SHISA9: variants seen among roughly 807,000 people sequenced by gnomAD.
SHISA9 encodes the protein shisa family member 9, also known as protein shisa-9.
Under a neutral mutation model 38.0 loss-of-function variants are expected in SHISA9, and 13 were observed. That is an observed-to-expected ratio of 0.34 (90% confidence interval 0.22 to 0.54). SHISA9 has a LOEUF of 0.54. Ranked by LOEUF, SHISA9 falls within the 20% of genes least tolerant of loss-of-function variation. The pLI, the probability that SHISA9 is intolerant of heterozygous loss-of-function variation, is 0.91. For synonymous variants in SHISA9, 275 were observed against 242.0 expected, an observed-to-expected ratio of 1.14 and a Z score of -1.27; for missense variants, 538 against 575.8, an observed-to-expected ratio of 0.93 and a Z score of 0.67.
chr16:13,294,937 T>A, the SHISA9 span, among the ~76,000 whole-genome samples: 2 of 152,206 alleles, frequency 1.3e-5, no homozygotes, highest in East Asian at 1.9e-4. Flanking sequence ...TGGGAGGCAC[T>A]GTTCTGAAAC....
intron 2 of SHISA9, among the ~76,000 whole-genome samples, chr16:13,136,396 C>CTTTTTTTTTTTTTTTTT (rs35122409): frequency 2.9e-5 from 2 of 68,092 alleles, no homozygotes; most frequent in Non-Finnish European, 5.3e-5. Flanking sequence ...CAGTTTCCTT[C>CTTTTTTTTTTTTTTTTT]TTTTTTTTTT....
chr16:13,393,720 T>G, the SHISA9 span, among the ~76,000 whole-genome samples: 1 of 152,172 alleles, frequency 6.6e-6, no homozygotes, highest in African/African-American at 2.4e-5. Context: ...GGGACTCTGA[T>G]GACCATGAGT....
chr16:12,926,165 C>G (rs1429953118), intron 2 of SHISA9, among the ~76,000 whole-genome samples: 1 of 152,190 alleles, frequency 6.6e-6, no homozygotes, highest in Non-Finnish European at 1.5e-5. Context: ...GTAATTCAAA[C>G]CACAGACATG....
chr16:13,302,701 T>C, the SHISA9 span, among the ~76,000 whole-genome samples: 10 of 152,286 alleles, frequency 6.6e-5, no homozygotes, highest in South Asian at 1.7e-3. Context: ...CTCCAGGTAG[T>C]CTTCATTCAT....
At chr16:13,045,072 G>C (rs116973552) in intron 2 of SHISA9, among the ~76,000 whole-genome samples, 1 of 152,150 alleles carries the variant, frequency 6.6e-6, no homozygotes, top group Non-Finnish European at 1.5e-5. Flanking sequence ...AGATGGGGAC[G>C]ATAACAGCAT....
the SHISA9 span, chr16:13,458,695 G>GT: frequency 4.1e-6 from 1 of 246,424 alleles, no homozygotes; most frequent in South Asian, 4.9e-5. Flanking sequence ...TCTTGAGGAT[G>GT]TAAAAAAAAA....
chr16:13,237,598 A>G lies in SHISA9; in HGVS notation c.*2189A>G, dbSNP rs560371394. On this transcript the variant is annotated 3_prime_UTR_variant, in exon 5 of 5. Transcript: ENST00000558583. ...GAATCGCTTAAACTTGGGAGGTTGCAGTGAGCTGAGACCACACCACTGCCC... is the reference window on the plus strand; with the variant it reads ...GAATCGCTTAAACTTGGGAGGTTGCGGTGAGCTGAGACCACACCACTGCCC... 4 of 147,482 alleles carry G rather than the reference A, an allele frequency of 2.7e-5. No individual in the cohort carries two copies. The highest frequency in any genetic ancestry group is 1.4e-4 in the Admixed American group (2 of 14,140). 9.1% of individuals were successfully genotyped at this position (147,482 alleles called of 1,614,324 possible).
At chr16:13,559,853 G>T in the SHISA9 span, among the ~76,000 whole-genome samples, 2 of 152,200 alleles carry the variant, frequency 1.3e-5, no homozygotes, top group African/African-American at 4.8e-5. Context: ...GATATTCCTA[G>T]AAGATGAAAA....
At chr16:13,279,907 G>A in the SHISA9 span, among the ~76,000 whole-genome samples, 117 of 151,850 alleles carry the variant, frequency 7.7e-4, no homozygotes, top group African/African-American at 2.7e-3. Context: ...GGATGTATAG[G>A]TTTTTCAATA....
rs1174986323 is a variant in SHISA9 at position 13,239,938 on chromosome 16, T to C, written c.*4529T>C. The C allele has an allele frequency of 6.6e-6, 1 of 152,228 alleles. No individual in the cohort carries two copies. Among genetic ancestry groups the C allele is most frequent in the Non-Finnish European group, 1.5e-5 (1 of 68,068 alleles). 9.4% of individuals were successfully genotyped at this position (152,228 alleles called of 1,614,324 possible). ...CCTATGGAACTATCTGTGACTTCCA[T>C]GTACCAAGACAAGGACGCTATAGCT... On this transcript the variant is annotated 3_prime_UTR_variant, in exon 5 of 5. Coordinates refer to ENST00000558583, the MANE Select transcript of SHISA9 (RefSeq NM_001145204.3).
At chr16:13,075,267 A>ATAAT (rs778999251) in intron 2 of SHISA9, among the ~76,000 whole-genome samples, 17 of 152,204 alleles carry the variant, frequency 1.1e-4, no homozygotes, top group Non-Finnish European at 2.4e-4. Context: ...AACATGCTGC[A>ATAAT]TAATTACATA....
At chr16:13,022,932 G>A (rs2141868184) in intron 2 of SHISA9, among the ~76,000 whole-genome samples, 1 of 152,220 alleles carries the variant, frequency 6.6e-6, no homozygotes, top group East Asian at 1.9e-4. Context: ...TGGATTTAGG[G>A]GCCACCCCAT....
the SHISA9 span, among the ~76,000 whole-genome samples, chr16:13,468,390 T>C: frequency 6.6e-6 from 1 of 152,310 alleles, no homozygotes; most frequent in Non-Finnish European, 1.5e-5. Flanking sequence ...AGGGTGCCTA[T>C]GCTTTTTCTT....
intron 2 of SHISA9, among the ~76,000 whole-genome samples, chr16:12,972,041 T>TG (rs2072090710): frequency 2.3e-4 from 32 of 141,948 alleles, no homozygotes; most frequent in African/African-American, 7.1e-4. Context: ...CTCTTGGAGT[T>TG]TGTGTGTGTG....
At chr16:13,019,671 T>G (rs565168563) in intron 2 of SHISA9, among the ~76,000 whole-genome samples, 285 of 152,034 alleles carry the variant, frequency 1.9e-3, no homozygotes, top group Non-Finnish European at 3.3e-3. Context: ...GGTAAACTTG[T>G]GTCACTGGGG....
chr16:13,064,051 T>C (rs1415949805), intron 2 of SHISA9, among the ~76,000 whole-genome samples: 1 of 152,220 alleles, frequency 6.6e-6, no homozygotes, highest in Non-Finnish European at 1.5e-5. Flanking sequence ...CCCACATTAT[T>C]GCGTCCACGT....
intron 1 of SHISA9, chr16:12,909,181 C>G (rs1448055482): frequency 2.0e-6 from 2 of 985,658 alleles, no homozygotes; most frequent in Non-Finnish European, 2.4e-6. Context: ...GTTGACTTCT[C>G]TTTGGGCACT....
rs1407593220 is a variant in SHISA9 at position 13,236,558 on chromosome 16, T to C, written c.*1149T>C. ...CTGAAAATGTCATAAGCGTGGGTGGTGCCTTCAATGTGTTACTGTTGTTTA... is the reference window on the plus strand; with the variant it reads ...CTGAAAATGTCATAAGCGTGGGTGGCGCCTTCAATGTGTTACTGTTGTTTA... On this transcript the variant is annotated 3_prime_UTR_variant, in exon 5 of 5. Coordinates refer to ENST00000558583, the MANE Select transcript of SHISA9 (RefSeq NM_001145204.3). 1 of 152,282 alleles carries C rather than the reference T, an allele frequency of 6.6e-6. No homozygotes were observed. Among genetic ancestry groups the C allele is most frequent in the Non-Finnish European group, 1.5e-5 (1 of 68,052 alleles). The allele number at this position is 152,282 out of a possible 1,614,324, so 9.4% of individuals were successfully genotyped here.
At chr16:13,413,790 T>C in the SHISA9 span, among the ~76,000 whole-genome samples, 1 of 143,582 alleles carries the variant, frequency 7.0e-6, no homozygotes, top group Non-Finnish European at 1.5e-5. Flanking sequence ...AAAAAAGACA[T>C]GTTGTTGTTG....
Sources: allele counts gnomAD v4.1 joint callset (sites outside exome capture counted in the v4.1 genomes callset), GRCh38; gene constraint gnomAD v4.1.1; transcripts MANE v1.5; gene names NCBI Gene and HGNC (gene_info 2026-07-23, HGNC 2026-07-21).